EMB: variants seen among roughly 807,000 people sequenced by gnomAD.
The protein encoded by EMB is embigin.
Under a neutral mutation model 41.4 loss-of-function variants are expected in EMB, and 31 were observed. The observed-to-expected ratio is 0.75, with a 90% CI of 0.56 to 1.01. EMB has a LOEUF of 1.01. Ranked by LOEUF, EMB falls within the 50% of genes least tolerant of loss-of-function variation. The pLI, the probability that EMB is intolerant of heterozygous loss-of-function variation, is 0.00. For missense variants in EMB, 379 were observed against 388.3 expected, an observed-to-expected ratio of 0.98 and a Z score of 0.20; for synonymous variants, 137 against 140.4, an observed-to-expected ratio of 0.98 and a Z score of 0.17.
intron 2 of EMB, among the ~76,000 whole-genome samples, chr5:50,425,800 C>T (rs1219216804): frequency 6.6e-6 from 1 of 151,490 alleles, no homozygotes; most frequent in Non-Finnish European, 1.5e-5. Flanking sequence ...TCTCCTGCCT[C>T]AGCCTCCCAG....
rs141436640 is a variant in EMB, at chr5:50,410,643, G to T, written c.472+234C>A. Among the ~76,000 whole-genome samples the T allele has an allele frequency of 6.4e-3, 967 of 152,182 alleles. 5 individuals are homozygous for T. Among genetic ancestry groups the T allele is most frequent in the Middle Eastern group, 0.031 (9 of 294 alleles). On this transcript the variant is annotated intron_variant, in intron 4 of 8. Transcript: ENST00000303221. ...AATTCACTAATAATGTGGTAGGCTG[G>T]CCTTTTGAACTAAAACATGTGCTTT...
intron 5 of EMB, 143 bp from the exon 6 acceptor site, chr5:50,403,597 A>G (rs1387851504): frequency 6.8e-6 from 6 of 878,212 alleles, no homozygotes; most frequent in Non-Finnish European, 1.0e-5. Context: ...GAGGTTATCT[A>G]TAACAGACTT....
chr5:50,442,541 A>T (rs1745931170), upstream of EMB, among the ~76,000 whole-genome samples: 3 of 152,120 alleles, frequency 2.0e-5, no homozygotes, highest in South Asian at 6.2e-4. Context: ...AAATTAGACA[A>T]CTGTTTATCT....
At chr5:50,443,302 C>A (rs1342243794), upstream of EMB, 1 of 152,202 alleles carries the variant, frequency 6.6e-6, no homozygotes, top group Admixed American at 6.5e-5. Context: ...CTCACTGCAG[C>A]CTTGACCTTC....
At chr5:50,400,041 A>G in intron 7 of EMB, 128 bp from the exon 8 acceptor site, 1 of 614,014 alleles carries the variant, frequency 1.6e-6, no homozygotes, top group Non-Finnish European at 2.7e-6. Flanking sequence ...TTCTTCCTAA[A>G]AATGTTTTAC....
intron 2 of EMB, among the ~76,000 whole-genome samples, chr5:50,415,751 C>T (rs979918716): frequency 2.0e-5 from 3 of 152,240 alleles, no homozygotes; most frequent in East Asian, 1.9e-4. Flanking sequence ...AATATACCAA[C>T]TCTCAAACAT....
chr5:50,398,879 T>TA lies in EMB; in HGVS notation c.*393dup, dbSNP rs200980145. 11 of 153,726 alleles carry TA rather than the reference T, an allele frequency of 7.2e-5. No individual in the cohort carries two copies. Among genetic ancestry groups the TA allele is most frequent in the South Asian group, 6.2e-4 (3 of 4,846 alleles). 9.5% of individuals were successfully genotyped at this position (153,726 alleles called of 1,614,324 possible). On this transcript the variant is annotated 3_prime_UTR_variant, in exon 9 of 9. Coordinates refer to ENST00000303221, the MANE Select transcript of EMB (RefSeq NM_198449.3). Reference sequence around the variant, plus strand: ...ACTAATAGTAAGTATGATTTTTTTTTAAAAAATAACTTTCTAAGACAAATG... The same window carrying TA: ...ACTAATAGTAAGTATGATTTTTTTTTAAAAAAATAACTTTCTAAGACAAATG...
At chr5:50,425,843 T>C (rs1478935129) in intron 2 of EMB, among the ~76,000 whole-genome samples, 1 of 151,866 alleles carries the variant, frequency 6.6e-6, no homozygotes, top group Admixed American at 6.6e-5. Context: ...ACCACCACAC[T>C]TGGCTAATTT....
intron 7 of EMB, among the ~76,000 whole-genome samples, chr5:50,400,540 TTTTTC>T (rs1745144731): frequency 6.6e-6 from 1 of 151,954 alleles, no homozygotes; most frequent in African/African-American, 2.4e-5. Context: ...CGAGTGCTTG[TTTTTC>T]TTTTGTGTGT....
chr5:50,415,390 T>A (rs1372893615), intron 2 of EMB, among the ~76,000 whole-genome samples: 1 of 152,198 alleles, frequency 6.6e-6, no homozygotes. Flanking sequence ...GACATCAGTT[T>A]CCTTATTTGT....
rs929365378 is a variant in EMB at position 50,412,256 on chromosome 5, A to T, written c.197-873T>A. ...ACACACACACCACACACACACACAC[A>T]GACACACACACACACACACACACAC... On this transcript the variant is annotated intron_variant, in intron 2 of 8. Coordinates refer to ENST00000303221, the MANE Select transcript of EMB (RefSeq NM_198449.3). Among the ~76,000 whole-genome samples the T allele has an allele frequency of 4.2e-4, 51 of 122,346 alleles. 1 individual carries two copies. The highest frequency in any genetic ancestry group is 2.8e-3 in the Admixed American group (35 of 12,536). 80.3% of individuals were successfully genotyped at this position (122,346 alleles called of 152,430 possible). A position where few individuals can be genotyped will look rare whatever the true frequency, so the allele number is the denominator to read the frequency against.
chr5:50,439,676 C>A (rs28445612), intron 1 of EMB, among the ~76,000 whole-genome samples: 76,891 of 151,610 alleles, frequency 0.51, 20,454 homozygotes, highest in African/African-American at 0.67. Flanking sequence ...AAGGAACCCA[C>A]GATGTTCTGT....
chr5:50,411,446 C>T (rs1745337094), intron 2 of EMB, 63 bp from the exon 3 acceptor site: 1 of 1,136,242 alleles, frequency 8.8e-7, no homozygotes, highest in South Asian at 2.1e-5. Context: ...CACATAAAAC[C>T]TTTTATATTA....
chr5:50,418,052 TTC>T (rs1253842325), intron 2 of EMB, among the ~76,000 whole-genome samples: 1 of 152,192 alleles, frequency 6.6e-6, no homozygotes, highest in African/African-American at 2.4e-5. Flanking sequence ...ACAAAAACAA[TTC>T]TGTTTGAATT....
chr5:50,402,862 G>A (rs1262316583), intron 6 of EMB, among the ~76,000 whole-genome samples: 1 of 126,646 alleles, frequency 7.9e-6, no homozygotes, highest in East Asian at 2.3e-4. Flanking sequence ...TTGGTACTTA[G>A]GTACCAGTAG....
rs1745109552 is a variant in EMB at position 50,398,644 on chromosome 5, T to C, written c.*629A>G. On this transcript the variant is annotated 3_prime_UTR_variant, in exon 9 of 9. Coordinates refer to ENST00000303221, the MANE Select transcript of EMB (RefSeq NM_198449.3). ...ATAAAGACTGGAAAATTTGCTTTTG[T>C]AGTGCAGAGCTTTAGAGCAAGCACA... 6.6e-6 allele frequency: 1 copy of C among 152,094 alleles called. No homozygotes were observed. The highest frequency in any genetic ancestry group is 2.4e-5 in the African/African-American group (1 of 41,434). 9.4% of individuals were successfully genotyped at this position (152,094 alleles called of 1,614,324 possible). A position where few individuals can be genotyped will look rare whatever the true frequency, so the allele number is the denominator to read the frequency against.
chr5:50,399,511 A>G (rs551654221), intron 8 of EMB, among the ~76,000 whole-genome samples: 3 of 152,144 alleles, frequency 2.0e-5, no homozygotes, highest in Non-Finnish European at 4.4e-5. Context: ...AATATATGGG[A>G]ATAAATGAAA....
In EMB at chr5:50,405,931, C is replaced by T. The variant is rs989931331; in HGVS notation, c.473-79G>A. On this transcript the variant is annotated intron_variant, in intron 4 of 8. Transcript: ENST00000303221. ...TGTATTAAATGTGCAAATATTGTCT[C>T]CTTTCATTTTTTCATTACATTATTT... 36 of 1,441,082 alleles carry T rather than the reference C, an allele frequency of 2.5e-5. No homozygotes were observed. In the African/African-American group the frequency reaches 3.7e-4, roughly 15 times the overall value. The allele number at this position is 1,441,082 out of a possible 1,614,324, so 89.3% of individuals were successfully genotyped here.
chr5:50,425,453 C>T (rs945972630), intron 2 of EMB, among the ~76,000 whole-genome samples: 3 of 151,764 alleles, frequency 2.0e-5, no homozygotes, highest in African/African-American at 4.8e-5. Context: ...TTCTGTTAAA[C>T]TATAACACAC....
Sources: gnomAD v4.1 joint callset for allele counts (sites outside exome capture counted in the v4.1 genomes callset) on GRCh38, gnomAD v4.1.1 for gene constraint, MANE v1.5 for transcripts, NCBI Gene and HGNC (gene_info 2026-07-23, HGNC 2026-07-21) for gene names.